Variants in GNAI2 observed in about 807,000 individuals in gnomAD.
The protein encoded by GNAI2 is G protein subunit alpha i2, also known as guanine nucleotide-binding protein G(i) subunit alpha-2.
In GNAI2, 4 loss-of-function variants were observed where a neutral mutation model predicts 36.8. That is an observed-to-expected ratio of 0.11 (90% confidence interval 0.05 to 0.25). The LOEUF is 0.25. GNAI2 is among the 10% of genes least tolerant of loss of function. GNAI2 has a pLI of 1.00. For synonymous variants in GNAI2, 194 were observed against 194.1 expected, an observed-to-expected ratio of 1.00 and a Z score of 0.01; for missense variants, 230 against 481.3, an observed-to-expected ratio of 0.48 and a Z score of 4.89.
intron 1 of GNAI2, among the ~76,000 whole-genome samples, chr3:50,240,148 G>T (rs1553700860): frequency 2.0e-5 from 3 of 152,180 alleles, no homozygotes; most frequent in Non-Finnish European, 4.4e-5. Context: ...ATAATCCTGG[G>T]GCAGCCACTG....
In GNAI2 at chr3:50,257,450, C is replaced by T. The variant is rs782153627; in HGVS notation, c.878-50C>T. On this transcript the variant is annotated intron_variant, in intron 7 of 8. Transcript: ENST00000313601. Reference sequence around the variant, plus strand: ...AGACCCTTGCTGCACACGTAGGATGCGGCCTGCCTGCCACACATGCAGCAC... The same window carrying T: ...AGACCCTTGCTGCACACGTAGGATGTGGCCTGCCTGCCACACATGCAGCAC... 9.9e-6 allele frequency: 13 copies of T among 1,316,010 alleles called. No individual in the cohort carries two copies. The African/African-American group carries it at 1.0e-4, about 10-fold the overall frequency. The allele number at this position is 1,316,010 out of a possible 1,614,324, so 81.5% of individuals were successfully genotyped here. A position where few individuals can be genotyped will look rare whatever the true frequency, so the allele number is the denominator to read the frequency against.
upstream of GNAI2, among the ~76,000 whole-genome samples, chr3:50,232,658 C>G (rs587631295): frequency 6.6e-6 from 1 of 152,300 alleles, no homozygotes; most frequent in South Asian, 2.1e-4. Flanking sequence ...CATTGGGGAA[C>G]CACAGAAAGT....
intron 4 of GNAI2, among the ~76,000 whole-genome samples, chr3:50,254,765 T>G (rs1700648063): frequency 6.6e-6 from 1 of 152,216 alleles, no homozygotes. Flanking sequence ...TCTCCAGACA[T>G]TAGGCACCCA....
chr3:50,233,421 G>C (rs954856768), upstream of GNAI2, among the ~76,000 whole-genome samples: 5 of 152,230 alleles, frequency 3.3e-5, no homozygotes, highest in Non-Finnish European at 7.3e-5. Context: ...GCTAGGAGCA[G>C]GCTAGAGAGG....
chr3:50,233,351 C>T (rs1316165520), upstream of GNAI2, among the ~76,000 whole-genome samples: 1 of 152,138 alleles, frequency 6.6e-6, no homozygotes, highest in Non-Finnish European at 1.5e-5. Flanking sequence ...GAGAGCTGGG[C>T]CTCCAAGGGG....
At chr3:50,228,319 A>C (rs1700013055), upstream of GNAI2, among the ~76,000 whole-genome samples, 1 of 152,194 alleles carries the variant, frequency 6.6e-6, no homozygotes, top group South Asian at 2.1e-4. Context: ...TGGGAGGCCG[A>C]GGTGGGCGGA....
intron 1 of GNAI2, among the ~76,000 whole-genome samples, chr3:50,244,185 C>T (rs1177433419): frequency 2.0e-5 from 3 of 151,990 alleles, no homozygotes; most frequent in Admixed American, 6.6e-5. Flanking sequence ...CGTGCCACCA[C>T]GCCCAACTAA....
intron 4 of GNAI2, among the ~76,000 whole-genome samples, chr3:50,254,987 G>C (rs782162310): frequency 6.6e-6 from 1 of 152,340 alleles, no homozygotes; most frequent in Admixed American, 6.5e-5. Context: ...GGGAGAGGCT[G>C]GTGTGGAATG....
intron 1 of GNAI2, among the ~76,000 whole-genome samples, chr3:50,243,488 A>AC (rs1223820964): frequency 6.6e-6 from 1 of 152,218 alleles, no homozygotes; most frequent in Non-Finnish European, 1.5e-5. Context: ...TGGGGGGCGG[A>AC]CAAAGGATCC....
intron 1 of GNAI2, among the ~76,000 whole-genome samples, chr3:50,250,455 T>C (rs1362016124): frequency 2.0e-5 from 3 of 152,102 alleles, no homozygotes; most frequent in Non-Finnish European, 4.4e-5. Flanking sequence ...ACACTGTGAA[T>C]GGGGCATGGG....
chr3:50,256,214 A>C lies in GNAI2; in HGVS notation c.487A>C (p.Ile163Leu). ...AAYYLNDLER[I>L]AQSDYIPTQQ... Reference sequence around the variant, plus strand: ...CAGCTACCTGAACGACCTGGAGCGTATTGCACAGAGTGACTACATCCCCAC... The same window carrying C: ...CAGCTACCTGAACGACCTGGAGCGTCTTGCACAGAGTGACTACATCCCCAC... Residue 163 changes from isoleucine (I) to leucine (L), a missense_variant, in exon 5 of 9, where the codon ATT becomes CTT. Ile to Leu is a conservative substitution (Grantham distance 5, BLOSUM62 2). Coordinates refer to ENST00000313601, the MANE Select transcript of GNAI2 (RefSeq NM_002070.4). 1 of 1,509,564 alleles carries C rather than the reference A, an allele frequency of 6.6e-7. No individual in the cohort carries two copies. Among genetic ancestry groups the C allele is most frequent in the Non-Finnish European group, 9.0e-7 (1 of 1,105,372 alleles). The allele number at this position is 1,509,564 out of a possible 1,614,324, so 93.5% of individuals were successfully genotyped here. A position where few individuals can be genotyped will look rare whatever the true frequency, so the allele number is the denominator to read the frequency against.
chr3:50,227,567 T>G, upstream of GNAI2: 1 of 167,166 alleles, frequency 6.0e-6, no homozygotes, highest in Non-Finnish European at 1.3e-5. The surrounding 1 kb of genome is among the most constrained non-coding windows in gnomAD (Gnocchi z 5.9). Flanking sequence ...CGCTCCGGCC[T>G]AGAGAGGCCC....
chr3:50,229,335 G>A (rs1250648013), upstream of GNAI2: 1 of 152,236 alleles, frequency 6.6e-6, no homozygotes, highest in Non-Finnish European at 1.5e-5. Flanking sequence ...AAAGGAGGGA[G>A]GTTAAGTTTA....
At chr3:50,257,434 C>T in intron 7 of GNAI2, 66 bp from the exon 8 acceptor site, 1 of 1,097,740 alleles carries the variant, frequency 9.1e-7, no homozygotes, top group Non-Finnish European at 1.3e-6. Flanking sequence ...CAGACCCTTG[C>T]TGCACACGTA....
chr3:50,249,683 C>T (rs1040004488), intron 1 of GNAI2, among the ~76,000 whole-genome samples: 19 of 152,344 alleles, frequency 1.2e-4, no homozygotes, highest in African/African-American at 3.6e-4. Flanking sequence ...ATAATCACCA[C>T]CCTCAAAAAT....
At chr3:50,246,754 G>A (rs1427985086) in intron 1 of GNAI2, 2 of 469,820 alleles carry the variant, frequency 4.3e-6, no homozygotes, top group African/African-American at 2.0e-5. Context: ...AGGGAGGTGT[G>A]CCTGGCTTTC....
chr3:50,252,941 G>A lies in GNAI2; in HGVS notation c.304-83G>A. 1 of 1,104,308 alleles carries A rather than the reference G, an allele frequency of 9.1e-7. No homozygotes were observed. The highest frequency in any genetic ancestry group is 1.3e-6 in the Non-Finnish European group (1 of 763,900). 68.4% of individuals were successfully genotyped at this position (1,104,308 alleles called of 1,614,324 possible). On this transcript the variant is annotated intron_variant, in intron 3 of 8. Coordinates refer to ENST00000313601, the MANE Select transcript of GNAI2 (RefSeq NM_002070.4). This position sits in a 1 kb window ranked among gnomAD's most constrained non-coding sequence, Gnocchi z 4.1. ...GGGAATCCAAGAATACCCTAGCCTG[G>A]GCCCCATTCCAGAGGTCTCCCTGCC...
At chr3:50,233,681 G>A (rs1175018821), upstream of GNAI2, among the ~76,000 whole-genome samples, 135 of 152,072 alleles carry the variant, frequency 8.9e-4, 2 homozygotes, top group Non-Finnish European at 2.9e-5. Context: ...GCATGCCCAT[G>A]GCAGGGCCTG....
chr3:50,256,127 G>A (rs1700693768), intron 4 of GNAI2, 65 bp from the exon 5 acceptor site: 1 of 833,184 alleles, frequency 1.2e-6, no homozygotes, highest in African/African-American at 1.7e-5. Context: ...CTTGCAGCTG[G>A]CCCAGGGTCC....
Sources: gnomAD v4.1 joint callset for allele counts (sites outside exome capture counted in the v4.1 genomes callset) on GRCh38, gnomAD v4.1.1 for gene constraint, Gnocchi (gnomAD v3.1) non-coding constraint, MANE v1.5 for transcripts, NCBI Gene and HGNC (gene_info 2026-07-23, HGNC 2026-07-21) for gene names.